Variants in CCDC187 observed in about 807,000 individuals in gnomAD.
CCDC187 encodes coiled-coil domain containing 187.
Under a neutral mutation model 38.0 loss-of-function variants are expected in CCDC187, and 32 were observed. The ratio of observed to expected loss-of-function variants is 0.84; its 90% confidence interval spans 0.64 to 1.13. The LOEUF is 1.13. Ranked by LOEUF, CCDC187 falls within the 50% of genes most tolerant of loss-of-function variation. CCDC187 has a pLI of 0.00. For synonymous variants in CCDC187, 333 were observed against 347.9 expected (o/e 0.96, Z 0.48); for missense variants, 707 against 786.8 (o/e 0.90, Z 1.21).
intron 9 of CCDC187, among the ~76,000 whole-genome samples, chr9:136,282,201 G>A (rs1831061751): frequency 1.3e-5 from 2 of 152,218 alleles, no homozygotes; most frequent in Non-Finnish European, 1.5e-5. Flanking sequence ...ACTGCTCAAG[G>A]CTGGCACTGG....
intron 19 of CCDC187, among the ~76,000 whole-genome samples, 174 bp downstream of exon 19, chr9:136,262,137 A>T (rs1347948431): frequency 6.6e-6 from 1 of 152,236 alleles, no homozygotes; most frequent in Non-Finnish European, 1.5e-5. Context: ...TTGAGCTGCC[A>T]CCGGCCGGCA....
intron 9 of CCDC187, among the ~76,000 whole-genome samples, chr9:136,283,459 G>A (rs1320469728): frequency 6.6e-6 from 1 of 152,250 alleles, no homozygotes; most frequent in Non-Finnish European, 1.5e-5. Context: ...GAGCAGCGGC[G>A]GAAGCCTTGG....
chr9:136,284,078 T>G (rs1831113176), intron 9 of CCDC187, among the ~76,000 whole-genome samples: 2 of 150,754 alleles, frequency 1.3e-5, no homozygotes, highest in South Asian at 2.1e-4. Flanking sequence ...CTAGGAAGGA[T>G]GGGCAGGGGA....
intron 3 of CCDC187, 64 bp from the exon 4 acceptor site, chr9:136,297,885 C>T (rs1452007893): frequency 7.6e-6 from 3 of 395,654 alleles, no homozygotes; most frequent in Non-Finnish European, 1.3e-5. Context: ...CACACGGGCC[C>T]CCCACGTGGC....
At chr9:136,286,744 G>T (rs1421583365) in intron 7 of CCDC187, 49 bp from the exon 8 acceptor site, 3 of 398,440 alleles carry the variant, frequency 7.5e-6, no homozygotes, top group Non-Finnish European at 1.3e-5. Context: ...GGTCGCCCCA[G>T]CAGGGCACGG....
intron 11 of CCDC187, 88 bp downstream of exon 11, chr9:136,276,563 C>G (rs1830934650): frequency 6.6e-6 from 1 of 152,136 alleles, no homozygotes; most frequent in Non-Finnish European, 1.5e-5. Context: ...ATTAGTGCCA[C>G]TTCTGCTTGG....
chr9:136,251,099 A>T lies in CCDC187; in HGVS notation c.*2495T>A. On this transcript the variant is annotated 3_prime_UTR_variant, in exon 26 of 26. Coordinates refer to ENST00000638797, the MANE Select transcript of CCDC187 (RefSeq NM_001378188.1). ...GTGGAGGAGGCCTGAGGCCCTGGAC[A>T]GGAGAAGCCACATCCTGGAAGGATC... 2 of 447,942 alleles carry T rather than the reference A, an allele frequency of 4.5e-6. No individual in the cohort carries two copies. Among genetic ancestry groups the T allele is most frequent in the South Asian group, 3.1e-5 (2 of 64,412 alleles). The allele number at this position is 447,942 out of a possible 1,614,324, so 27.7% of individuals were successfully genotyped here. A position where few individuals can be genotyped will look rare whatever the true frequency, so the allele number is the denominator to read the frequency against.
chr9:136,270,198 A>C (rs1269279584), intron 14 of CCDC187, among the ~76,000 whole-genome samples: 1 of 152,212 alleles, frequency 6.6e-6, no homozygotes, highest in African/African-American at 2.4e-5. Context: ...GTAAGAAATA[A>C]AGACACAAGG....
rs1304473481 is a variant in CCDC187, at chr9:136,254,230, G to A, written c.5598C>T (p.Pro1866=). ...GGAACACCACACCGGCGGCCTCAGG[G>A]GGTGCCTGGAGGGCTTCTCCTGTGT... is the stretch of plus-strand genomic sequence containing the variant. ...VSDTGEALQA[P]PEAAGVVFPL... is the part of the protein sequence containing the mutation. Residue 1866 remains proline, a synonymous_variant, in exon 26 of 26, where the codon CCC becomes CCT. Coordinates refer to ENST00000638797, the MANE Select transcript of CCDC187 (RefSeq NM_001378188.1). 1.1e-5 allele frequency: 11 copies of A among 985,332 alleles called. No homozygotes were observed. The Admixed American group carries it at 4.9e-4, about 44-fold the overall frequency. The allele number at this position is 985,332 out of a possible 1,614,324, so 61.0% of individuals were successfully genotyped here.
intron 4 of CCDC187, among the ~76,000 whole-genome samples, chr9:136,295,282 C>T (rs1831508122): frequency 6.6e-6 from 1 of 152,230 alleles, no homozygotes; most frequent in Non-Finnish European, 1.5e-5. Flanking sequence ...GGGCTGCCCG[C>T]CTGCCCGCCC....
rs1359561433 is a variant in CCDC187 at position 136,290,752 on chromosome 9, G to T, written c.1861C>A (p.Arg621=). ...AGCCCCCGGGACCTGGGGCAGGGCC[G>T]CAGCGTGTCCTTCTCCTTCCCAAGT... ...NPLGKEKDTL[R]PCPRSRGLLG... The change falls in exon 6 of 26, where the codon CGG becomes AGG. Residue 621 remains arginine, a synonymous_variant. Coordinates refer to ENST00000638797, the MANE Select transcript of CCDC187 (RefSeq NM_001378188.1). 8 of 398,378 alleles carry T rather than the reference G, an allele frequency of 2.0e-5. No individual in the cohort carries two copies. In the Admixed American group the frequency reaches 3.1e-4, roughly 15 times the overall value. 24.7% of individuals were successfully genotyped at this position (398,378 alleles called of 1,614,324 possible). A position where few individuals can be genotyped will look rare whatever the true frequency, so the allele number is the denominator to read the frequency against.
chr9:136,294,275 C>T (rs955601726), intron 4 of CCDC187, among the ~76,000 whole-genome samples: 2 of 149,608 alleles, frequency 1.3e-5, no homozygotes, highest in African/African-American at 5.1e-5. Context: ...TATACACACG[C>T]CCTCACATGT....
At chr9:136,283,936 C>A in intron 9 of CCDC187, among the ~76,000 whole-genome samples, 1 of 152,300 alleles carries the variant, frequency 6.6e-6, no homozygotes, top group Non-Finnish European at 1.5e-5. Context: ...GTTCCATGGG[C>A]CGGACTGGGC....
In CCDC187 at chr9:136,258,018, G is replaced by T. The variant is rs1554760514; in HGVS notation, c.4366+914C>A. On this transcript the variant is annotated intron_variant, in intron 22 of 25. Transcript: ENST00000638797. This position sits in a 1 kb window ranked among gnomAD's most constrained non-coding sequence, Gnocchi z 4.3. ...CATGGTGGGTGCAGGCGCCTGGCTG[G>T]CCCCCCGAACGGTGACAGCTGGTAC... is the stretch of plus-strand genomic sequence containing the variant. 6.6e-6 allele frequency among the ~76,000 whole-genome samples: 1 copy of T among 152,184 alleles called. No homozygotes were observed. The highest frequency in any genetic ancestry group is 1.5e-5 in the Non-Finnish European group (1 of 68,028).
chr9:136,273,762 G>A (rs2131204513), intron 14 of CCDC187, among the ~76,000 whole-genome samples: 1 of 152,358 alleles, frequency 6.6e-6, no homozygotes, highest in Non-Finnish European at 1.5e-5. Context: ...CAAAACCTAA[G>A]TCTGGACATT....
chr9:136,263,088 C>T (rs925658752), intron 18 of CCDC187, among the ~76,000 whole-genome samples: 4 of 151,928 alleles, frequency 2.6e-5, no homozygotes, highest in African/African-American at 7.3e-5. Context: ...CCCAATCCAC[C>T]GCTGCCCCCA....
intron 9 of CCDC187, among the ~76,000 whole-genome samples, chr9:136,282,189 C>T (rs1831061634): frequency 1.3e-5 from 2 of 152,240 alleles, no homozygotes; most frequent in Non-Finnish European, 2.9e-5. Context: ...GACCCTCACC[C>T]CACTGCTCAA....
At chr9:136,265,361 C>T (rs1463086733) in intron 17 of CCDC187, among the ~76,000 whole-genome samples, 3 of 152,200 alleles carry the variant, frequency 2.0e-5, no homozygotes, top group African/African-American at 7.2e-5. Flanking sequence ...GGTGCAGCCA[C>T]GGATGGAGAC....
chr9:136,298,957 TCA>T (rs1442332351), intron 3 of CCDC187, among the ~76,000 whole-genome samples: 4 of 152,292 alleles, frequency 2.6e-5, no homozygotes, highest in South Asian at 2.1e-4. Context: ...TGGAGAGTTC[TCA>T]AACTCGGAGC....
Sources: gnomAD v4.1 joint callset for allele counts (sites outside exome capture counted in the v4.1 genomes callset) on GRCh38, gnomAD v4.1.1 for gene constraint, Gnocchi (gnomAD v3.1) non-coding constraint, MANE v1.5 for transcripts, NCBI Gene and HGNC (gene_info 2026-07-23, HGNC 2026-07-21) for gene names.